MAGEA4: variants seen among roughly 807,000 people sequenced by gnomAD.
MAGEA4 encodes MAGE family member A4, also known as melanoma-associated antigen 4.
MAGEA4 carries 1 observed loss-of-function variant against 13.7 expected under a neutral mutation model. The observed-to-expected ratio is 0.07, with a 90% CI of 0.03 to 0.35. MAGEA4 has a LOEUF of 0.35. Among genes scored for constraint, MAGEA4 ranks in the 10% least tolerant of loss-of-function variants. The pLI is 0.99. For missense variants in MAGEA4, 312 were observed against 245.1 expected (o/e 1.27, Z -1.82); for synonymous variants, 132 against 101.1 (o/e 1.31, Z -1.83).
In MAGEA4 at chrX:151,923,514, G is replaced by T. The variant is rs752191271; in HGVS notation, c.-76G>T. On this transcript the variant is annotated 5_prime_UTR_variant, in exon 2 of 3. In the 5' UTR this introduces an upstream ATG that the reference lacks. Transcript: ENST00000276344. ...CCTGGAGGCCACAGAGGAGCACCAA[G>T]GAGAAGATCTGTAAGTAAGCCTTTG... The T allele has an allele frequency of 8.3e-7, 1 of 1,204,250 alleles. No homozygotes were observed. Among genetic ancestry groups the T allele is most frequent in the East Asian group, 3.0e-5 (1 of 33,507 alleles).
intron 1 of MAGEA4, chrX:151,913,475 G>A: frequency 1.1e-5 from 8 of 720,410 alleles, no homozygotes; most frequent in Non-Finnish European, 1.1e-5. Context: ...CCAGGGGCCC[G>A]GATGTGATGC....
At chrX:151,912,721 C>G (rs1158313524), upstream of MAGEA4, 3 of 177,705 alleles carry the variant, frequency 1.7e-5, no homozygotes, top group Non-Finnish European at 3.0e-5. Context: ...CTCATACCCC[C>G]ATCCCCAATT....
Position 151,923,620 on chromosome X carries a change from C to T in MAGEA4, c.-45C>T. On this transcript the variant is annotated 5_prime_UTR_variant, in exon 3 of 3. Coordinates refer to ENST00000276344, the MANE Select transcript of MAGEA4 (RefSeq NM_001011548.1). ...CGTAGGCCTGTGGGTCCCCATTGCC[C>T]AGCTTTTGCCTGCACTCTTGCCTGC... 1 of 1,211,105 alleles carries T rather than the reference C, an allele frequency of 8.3e-7. No individual in the cohort carries two copies. The highest frequency in any genetic ancestry group is 1.7e-5 in the African/African-American group (1 of 57,814).
At chrX:151,921,069 G>A (rs1933413169) in intron 1 of MAGEA4, among the ~76,000 whole-genome samples, 2 of 112,296 alleles carry the variant, frequency 1.8e-5, no homozygotes, top group African/African-American at 6.5e-5. Context: ...GCCCTGCCAG[G>A]AATCAAAGTC....
chrX:151,923,771 A>C lies in MAGEA4; in HGVS notation c.107A>C (p.Gln36Pro). ...GCACAGGCTCCTACTACTGAGGAGC[A>C]GGAGGCTGCTGTCTCCTCCTCCTCT... ...VGAQAPTTEE[Q>P]EAAVSSSSPL... The change falls in exon 3 of 3, where the codon CAG (glutamine) becomes CCG (proline). Residue 36 changes from glutamine to proline, a missense_variant. Coordinates refer to ENST00000276344, the MANE Select transcript of MAGEA4 (RefSeq NM_001011548.1). 5.8e-6 allele frequency: 7 copies of C among 1,208,700 alleles called. No homozygotes were observed. Among genetic ancestry groups the C allele is most frequent in the Non-Finnish European group, 6.7e-6 (6 of 894,737 alleles).
intron 1 of MAGEA4, chrX:151,919,869 G>A (rs754939586): frequency 6.8e-5 from 28 of 410,318 alleles, no homozygotes; most frequent in South Asian, 2.6e-4. Context: ...CTCTGAAGTC[G>A]CACGGGACTC....
chrX:151,919,556 A>G, intron 1 of MAGEA4: 17 of 561,637 alleles, frequency 3.0e-5, no homozygotes, highest in Non-Finnish European at 2.9e-5. Flanking sequence ...ACCCCCATCC[A>G]CGCTGAATCG....
intron 1 of MAGEA4, among the ~76,000 whole-genome samples, chrX:151,922,913 C>T (rs1157526675): frequency 6.2e-5 from 7 of 112,437 alleles, no homozygotes; most frequent in Admixed American, 4.7e-4. Context: ...CAATGAATTT[C>T]GACATCTTTT....
At chrX:151,920,802 G>A (rs765264696) in intron 1 of MAGEA4, among the ~76,000 whole-genome samples, 31 of 109,930 alleles carry the variant, frequency 2.8e-4, no homozygotes, top group Admixed American at 2.8e-3. Flanking sequence ...GGTCTGAAGG[G>A]TGGCTTGAGA....
In MAGEA4 at chrX:151,924,388, G is replaced by A. The variant is rs777650849; in HGVS notation, c.724G>A (p.Glu242Lys). 2 of 1,210,811 alleles carry A rather than the reference G, an allele frequency of 1.7e-6. No homozygotes were observed. Among genetic ancestry groups the A allele is most frequent in the South Asian group, 3.5e-5 (2 of 56,720 alleles). ...TGGGAGGGAGCACACTGTCTATGGG[G>A]AGCCCAGGAAACTGCTCACCCAAGA... The part of the protein sequence containing the change: ...YDGREHTVYG[E>K]PRKLLTQDWV... The change falls in exon 3 of 3, where the codon GAG becomes AAG. Residue 242 changes from glutamate (E) to lysine (K), a missense_variant. Transcript: ENST00000276344.
chrX:151,923,913 A>G lies in MAGEA4; in HGVS notation c.249A>G (p.Gln83=), dbSNP rs1933572722. Residue 83 remains glutamine, a synonymous_variant, in exon 3 of 3, where the codon CAA becomes CAG. Coordinates refer to ENST00000276344, the MANE Select transcript of MAGEA4 (RefSeq NM_001011548.1). ...CCATCAGCTTCACTTGCTGGAGGCA[A>G]CCCAATGAGGGTTCCAGCAGCCAAG... The part of the protein sequence containing the change: ...PTTISFTCWR[Q]PNEGSSSQEE... The G allele has an allele frequency of 8.3e-7, 1 of 1,211,180 alleles. No homozygotes were observed. The highest frequency in any genetic ancestry group is 1.1e-6 in the Non-Finnish European group (1 of 895,338).
At chrX:151,921,916 C>T (rs1933462635) in intron 1 of MAGEA4, among the ~76,000 whole-genome samples, 1 of 111,259 alleles carries the variant, frequency 9.0e-6, no homozygotes, top group Non-Finnish European at 1.9e-5. Flanking sequence ...GGGATGGCAA[C>T]TCAGGTCAGC....
chrX:151,923,823 A>G lies in MAGEA4; in HGVS notation c.159A>G (p.Glu53=). ...CTCTGGTCCCTGGCACCCTGGAGGA[A>G]GTGCCTGCTGCTGAGTCAGCAGGTC... ...SSPLVPGTLE[E]VPAAESAGPP... Residue 53 remains glutamate, a synonymous_variant, in exon 3 of 3, where the codon GAA becomes GAG. Transcript: ENST00000276344. 8.3e-7 allele frequency: 1 copy of G among 1,209,522 alleles called. No homozygotes were observed. The highest frequency in any genetic ancestry group is 2.3e-4 in the Middle Eastern group (1 of 4,338).
intron 1 of MAGEA4, among the ~76,000 whole-genome samples, chrX:151,922,782 C>T (rs1933508732): frequency 9.0e-6 from 1 of 111,577 alleles, no homozygotes; most frequent in African/African-American, 3.3e-5. Flanking sequence ...TCACTGGTGT[C>T]ACGGAGTGGG....
chrX:151,922,680 A>G lies in MAGEA4; in HGVS notation c.-137-773A>G, dbSNP rs571666976. Among the ~76,000 whole-genome samples, 30 of 111,732 alleles carry G rather than the reference A, an allele frequency of 2.7e-4. No individual in the cohort carries two copies. The South Asian group carries it at 8.7e-3, about 33-fold the overall frequency. ...AGGGTACCACAGGGCCAGAACGCAG[A>G]TGATGACCCCACAGAAATCAGCCCT... On this transcript the variant is annotated intron_variant, in intron 1 of 2. Transcript: ENST00000276344.
chrX:151,920,282 G>A (rs951648232), intron 1 of MAGEA4, among the ~76,000 whole-genome samples: 2 of 110,160 alleles, frequency 1.8e-5, no homozygotes, highest in Non-Finnish European at 3.8e-5. Context: ...CTGTGAGGTG[G>A]CATAGTGAGA....
chrX:151,912,645 C>T, upstream of MAGEA4: 1 of 265,652 alleles, frequency 3.8e-6, no homozygotes, highest in East Asian at 1.1e-4. Context: ...TTCCCTTCCA[C>T]ACTCCTAACC....
chrX:151,924,661 G>T lies in MAGEA4; in HGVS notation c.*43G>T. ...GGCTGTGGGGAAGGGGCAGGGCTGGGCCAGTGCATCTAACAGCCCTGTGCA... is the reference window on the plus strand; with the variant it reads ...GGCTGTGGGGAAGGGGCAGGGCTGGTCCAGTGCATCTAACAGCCCTGTGCA... On this transcript the variant is annotated 3_prime_UTR_variant, in exon 3 of 3. Transcript: ENST00000276344. 1 of 1,140,961 alleles carries T rather than the reference G, an allele frequency of 8.8e-7. No homozygotes were observed. Among genetic ancestry groups the T allele is most frequent in the Non-Finnish European group, 1.2e-6 (1 of 856,993 alleles). The allele number at this position is 1,140,961 out of a possible 1,213,427, so 94.0% of individuals were successfully genotyped here.
chrX:151,913,418 A>T (rs1389196967), intron 1 of MAGEA4: 7 of 231,980 alleles, frequency 3.0e-5, no homozygotes, highest in Admixed American at 1.8e-3. Context: ...TCCCACCCCC[A>T]TCCACGCTGA....
Sources: gnomAD v4.1 joint callset for allele counts (sites outside exome capture counted in the v4.1 genomes callset) on GRCh38, gnomAD v4.1.1 for gene constraint, MANE v1.5 for transcripts, NCBI Gene and HGNC (gene_info 2026-07-23, HGNC 2026-07-21) for gene names.